The following CFAP61 variants were observed in gnomAD, a reference collection of about 807,000 sequenced individuals.
CFAP61 encodes the protein cilia and flagella associated protein 61, also known as cilia- and flagella-associated protein 61.
In CFAP61, 107 loss-of-function variants were observed where a neutral mutation model predicts 135.6. The ratio of observed to expected loss-of-function variants is 0.79; its 90% CI spans 0.67 to 0.93. CFAP61 has a LOEUF of 0.93. Among genes scored for constraint, CFAP61 ranks in the 40% least tolerant of loss-of-function variants. CFAP61 has a pLI of 0.00. For missense variants in CFAP61, 1,507 were observed against 1,556.2 expected (o/e 0.97, Z 0.53); for synonymous variants, 575 against 578.5 (o/e 0.99, Z 0.09).
intron 8 of CFAP61, among the ~76,000 whole-genome samples, chr20:20,114,966 T>C (rs1441307550): frequency 1.3e-5 from 2 of 152,238 alleles, no homozygotes; most frequent in Non-Finnish European, 2.9e-5. Flanking sequence ...AAATGTTTTT[T>C]TCTGTGTTTC....
chr20:20,075,223 A>G lies in CFAP61; in HGVS notation c.406A>G (p.Ile136Val), dbSNP rs371147283. 1.9e-6 allele frequency: 3 copies of G among 1,613,948 alleles called. No individual in the cohort carries two copies. The highest frequency in any genetic ancestry group is 1.3e-5 in the African/African-American group (1 of 74,876). ...TAAGGCAGTGCCAGAGCTGCACTTCATATTTCTCATCGTGCCATCCTACAT... is the reference window on the plus strand; with the variant it reads ...TAAGGCAGTGCCAGAGCTGCACTTCGTATTTCTCATCGTGCCATCCTACAT... ...VYKAVPELHF[I>V]FLIVPSYMSL... The change falls in exon 5 of 27, where the codon ATA (isoleucine) becomes GTA (valine). Residue 136 changes from isoleucine (I) to valine (V), a missense_variant. Physicochemically the swap from Ile to Val is conservative, Grantham distance 29. Transcript: ENST00000245957.
At chr20:20,106,631 C>G (rs1242016582) in intron 8 of CFAP61, among the ~76,000 whole-genome samples, 2 of 152,158 alleles carry the variant, frequency 1.3e-5, no homozygotes, top group Non-Finnish European at 2.9e-5. Context: ...ATTATTTTCT[C>G]AGTAGGGGAT....
intron 7 of CFAP61, among the ~76,000 whole-genome samples, chr20:20,092,940 A>G (rs568455485): frequency 2.0e-5 from 3 of 152,346 alleles, no homozygotes; most frequent in Admixed American, 1.3e-4. Flanking sequence ...ATTTTCTCCA[A>G]AAGTTAAACA....
In CFAP61 at chr20:20,098,672, T is replaced by C; in HGVS notation, c.717T>C (p.Val239=). ...AVVCEVEGTA[V]GFMSVCSRVN... The stretch of plus-strand genomic sequence containing the variant: ...TATTTCAGGTGGAAGGCACAGCTGT[T>C]GGGTTCATGAGTGTGTGCTCAAGAG... The change falls in exon 8 of 27, where the codon GTT becomes GTC. Residue 239 remains valine (V), a synonymous_variant. Transcript: ENST00000245957. 1 of 1,607,300 alleles carries C rather than the reference T, an allele frequency of 6.2e-7. No individual in the cohort carries two copies. The highest frequency in any genetic ancestry group is 2.2e-5 in the East Asian group (1 of 44,754).
At chr20:20,152,886 A>G (rs1033229635) in intron 9 of CFAP61, among the ~76,000 whole-genome samples, 24 of 152,192 alleles carry the variant, frequency 1.6e-4, no homozygotes, top group African/African-American at 5.8e-4. Context: ...AGATATTTAT[A>G]GAACATTCAA....
intron 13 of CFAP61, among the ~76,000 whole-genome samples, chr20:20,179,687 T>C (rs994126873): frequency 1.3e-5 from 2 of 152,066 alleles, no homozygotes; most frequent in African/African-American, 4.8e-5. Flanking sequence ...AACAGACACA[T>C]AGACCAATGG....
intron 9 of CFAP61, among the ~76,000 whole-genome samples, chr20:20,157,944 A>G (rs935893228): frequency 2.0e-5 from 3 of 152,208 alleles, no homozygotes; most frequent in Non-Finnish European, 4.4e-5. Flanking sequence ...AAAAAAGCTA[A>G]TTAAAAATAG....
intron 25 of CFAP61, among the ~76,000 whole-genome samples, chr20:20,337,733 A>T (rs1602084944): frequency 6.6e-6 from 1 of 152,118 alleles, no homozygotes; most frequent in African/African-American, 2.4e-5. Context: ...ACGTCCCACC[A>T]TGGAAGAGGT....
intron 21 of CFAP61, among the ~76,000 whole-genome samples, chr20:20,269,528 T>C (rs1399367539): frequency 6.6e-6 from 1 of 151,856 alleles, no homozygotes; most frequent in Non-Finnish European, 1.5e-5. Context: ...TGCACCACCA[T>C]ACCCGGCTAA....
chr20:20,084,760 A>G (rs2046677639), intron 6 of CFAP61, among the ~76,000 whole-genome samples: 1 of 152,186 alleles, frequency 6.6e-6, no homozygotes, highest in South Asian at 2.1e-4. Context: ...CCTTCCAGGA[A>G]GCCAGTGAGA....
intron 2 of CFAP61, among the ~76,000 whole-genome samples, chr20:20,063,120 G>A (rs766045282): frequency 5.3e-5 from 8 of 152,156 alleles, no homozygotes; most frequent in African/African-American, 9.7e-5. Context: ...TAAAATGGTC[G>A]GCACAAGTGC....
chr20:20,063,027 T>C (rs1265567808), intron 2 of CFAP61, among the ~76,000 whole-genome samples: 1 of 151,994 alleles, frequency 6.6e-6, no homozygotes, highest in Admixed American at 6.5e-5. Flanking sequence ...AAATATGGGG[T>C]CCCAGAAAAG....
At chr20:20,305,399 C>T (rs910089944) in intron 25 of CFAP61, among the ~76,000 whole-genome samples, 13 of 152,240 alleles carry the variant, frequency 8.5e-5, no homozygotes, top group Admixed American at 2.0e-4. Flanking sequence ...TTTTTCTGCG[C>T]CTCTGTAGTC....
intron 6 of CFAP61, 49 bp downstream of exon 6, chr20:20,075,664 C>A: frequency 6.2e-7 from 1 of 1,602,650 alleles, no homozygotes; most frequent in South Asian, 1.1e-5. Context: ...CTGGGACAGT[C>A]ATCTTCCCAA....
At chr20:20,212,562 C>G (rs536441848) in intron 17 of CFAP61, among the ~76,000 whole-genome samples, 38 of 152,260 alleles carry the variant, frequency 2.5e-4, no homozygotes, top group Non-Finnish European at 4.1e-4. Context: ...TTCTCTACCC[C>G]CACCAAACCA....
At chr20:20,165,657 A>T (rs1278659258) in intron 11 of CFAP61, among the ~76,000 whole-genome samples, 1 of 152,038 alleles carries the variant, frequency 6.6e-6, no homozygotes, top group Non-Finnish European at 1.5e-5. Context: ...AGAGGAAATA[A>T]TTGGCCCATT....
chr20:20,104,242 G>A (rs1272890334), intron 8 of CFAP61, among the ~76,000 whole-genome samples: 1 of 151,908 alleles, frequency 6.6e-6, no homozygotes, highest in Non-Finnish European at 1.5e-5. Flanking sequence ...TCGCAATATT[G>A]CCTTTAACTT....
chr20:20,056,953 A>G (rs2044393600), intron 2 of CFAP61, among the ~76,000 whole-genome samples, 157 bp downstream of exon 2: 1 of 152,144 alleles, frequency 6.6e-6, no homozygotes, highest in East Asian at 1.9e-4. Context: ...CCTCATCTCT[A>G]CTAAAAATAC....
chr20:20,355,254 G>GGAGGTGGTCACACTGTGA (rs2059047483), intron 26 of CFAP61, among the ~76,000 whole-genome samples: 1 of 144,770 alleles, frequency 6.9e-6, no homozygotes, highest in African/African-American at 2.6e-5. Context: ...CACTGTGAGA[G>GGAGGTGGTCACACTGTGA]GAGGTGGTCA....
Sources: allele counts gnomAD v4.1 joint callset (sites outside exome capture counted in the v4.1 genomes callset), GRCh38; gene constraint gnomAD v4.1.1; transcripts MANE v1.5; gene names NCBI Gene and HGNC (gene_info 2026-07-23, HGNC 2026-07-21).